ABI1: variants seen among roughly 807,000 people sequenced by gnomAD.
The protein encoded by ABI1 is abl interactor 1.
In ABI1, 14 loss-of-function variants were observed where a neutral mutation model predicts 54.6. The observed-to-expected ratio is 0.26, with a 90% CI of 0.17 to 0.40. The LOEUF is 0.40. Among genes scored for constraint, ABI1 ranks in the 10% least tolerant of loss-of-function variants. The pLI is 1.00. For missense variants in ABI1, 443 were observed against 598.3 expected (o/e 0.74, Z 2.71); for synonymous variants, 194 against 209.3 (o/e 0.93, Z 0.63).
intron 1 of ABI1, among the ~76,000 whole-genome samples, chr10:26,853,978 A>G (rs930744988): frequency 6.6e-6 from 1 of 152,176 alleles, no homozygotes; most frequent in Non-Finnish European, 1.5e-5. Context: ...TTTGACTGTT[A>G]ACTGTCTTAA....
rs1378773563 is a variant in ABI1, at chr10:26,751,641, T to C, written c.1227A>G (p.Ala409=). The C allele has an allele frequency of 6.2e-7, 1 of 1,613,404 alleles. No homozygotes were observed. Among genetic ancestry groups the C allele is most frequent in the Non-Finnish European group, 8.5e-7 (1 of 1,179,736 alleles). ...AAVVQYNDPY[A]DGDPAWAPKN... Reference sequence around the variant, plus strand: ...TGGGGGCCCAAGCAGGATCCCCATCTGCATATGGATCATTATACTGAACTA... The same window carrying C: ...TGGGGGCCCAAGCAGGATCCCCATCCGCATATGGATCATTATACTGAACTA... The change falls in exon 10 of 11, where the codon GCA becomes GCG. Residue 409 remains alanine, a synonymous_variant. Transcript: ENST00000376140.
intron 2 of ABI1, among the ~76,000 whole-genome samples, chr10:26,810,936 G>A (rs528144224): frequency 6.6e-6 from 1 of 152,002 alleles, no homozygotes; most frequent in South Asian, 2.1e-4. Flanking sequence ...AGGGGAAGAG[G>A]GAGAGAGGAG....
At chr10:26,768,361 C>A (rs190788069) in intron 6 of ABI1, among the ~76,000 whole-genome samples, 1 of 151,464 alleles carries the variant, frequency 6.6e-6, no homozygotes, top group Non-Finnish European at 1.5e-5. Context: ...GCCTGACCAA[C>A]ATGCAGAAAC....
chr10:26,763,581 C>T (rs533930579), intron 7 of ABI1, among the ~76,000 whole-genome samples: 39 of 151,960 alleles, frequency 2.6e-4, no homozygotes, highest in Admixed American at 1.4e-3. Flanking sequence ...TTAAGTTTCA[C>T]TTGTGCGGGG....
chr10:26,770,461 T>C (rs1432676266), intron 4 of ABI1, 116 bp from the exon 5 acceptor site: 2 of 1,064,652 alleles, frequency 1.9e-6, no homozygotes, highest in Admixed American at 3.4e-5. Flanking sequence ...CCCAGACAGT[T>C]TGAATAAAGA....
chr10:26,849,842 T>C (rs2050256168), intron 1 of ABI1, among the ~76,000 whole-genome samples: 1 of 152,224 alleles, frequency 6.6e-6, no homozygotes, highest in Non-Finnish European at 1.5e-5. Context: ...TAATGAAATG[T>C]GTCAACATTC....
At chr10:26,803,141 C>T (rs1302332367) in intron 2 of ABI1, among the ~76,000 whole-genome samples, 1 of 152,062 alleles carries the variant, frequency 6.6e-6, no homozygotes, top group Non-Finnish European at 1.5e-5. Context: ...ACAGACATTC[C>T]AGGCAAAGGG....
At chr10:26,828,016 A>G (rs575037841) in intron 1 of ABI1, among the ~76,000 whole-genome samples, 8 of 152,368 alleles carry the variant, frequency 5.3e-5, no homozygotes, top group Admixed American at 4.6e-4. Flanking sequence ...CGTTTGGCCT[A>G]TCTCAGCTTT....
In ABI1 at chr10:26,747,893, T is replaced by C. The variant is rs1837112268; in HGVS notation, c.*677A>G. The C allele has an allele frequency of 5.2e-6, 1 of 194,034 alleles. No individual in the cohort carries two copies. Among genetic ancestry groups the C allele is most frequent in the African/African-American group, 2.3e-5 (1 of 43,112 alleles). 12.0% of individuals were successfully genotyped at this position (194,034 alleles called of 1,614,324 possible). On this transcript the variant is annotated 3_prime_UTR_variant, in exon 11 of 11. Coordinates refer to ENST00000376140, the MANE Select transcript of ABI1 (RefSeq NM_001012750.3). ...CAAAAACCTTTGGTTCACTTATGTATTTATGAATGGAAAAAGTTTATAATG... is the reference window on the plus strand; with the variant it reads ...CAAAAACCTTTGGTTCACTTATGTACTTATGAATGGAAAAAGTTTATAATG...
rs1589111056 is a variant in ABI1, at chr10:26,858,546, A to G, written c.117+2201T>C. Reference sequence around the variant, plus strand: ...CGCCCCCACAAAAAAAGAAAAAAAAAAAAAAAAAAAAAAAAAACGGGGCCA... The same window carrying G: ...CGCCCCCACAAAAAAAGAAAAAAAAGAAAAAAAAAAAAAAAAACGGGGCCA... On this transcript the variant is annotated intron_variant, in intron 1 of 10. Transcript: ENST00000376140. Among the ~76,000 whole-genome samples the G allele has an allele frequency of 2.1e-5, 3 of 140,140 alleles. No individual in the cohort carries two copies. In the East Asian group the frequency reaches 9.1e-4, roughly 42 times the overall value. The allele number at this position is 140,140 out of a possible 152,430, so 91.9% of individuals were successfully genotyped here.
chr10:26,795,374 C>T (rs1167682218), intron 2 of ABI1, among the ~76,000 whole-genome samples: 1 of 152,028 alleles, frequency 6.6e-6, no homozygotes, highest in Non-Finnish European at 1.5e-5. Context: ...ATTTATTTAA[C>T]ACAGTACTAG....
chr10:26,786,319 T>C (rs1842731645), intron 2 of ABI1, among the ~76,000 whole-genome samples: 1 of 151,940 alleles, frequency 6.6e-6, no homozygotes, highest in East Asian at 1.9e-4. Flanking sequence ...GTTCAAGCGA[T>C]TCTCATGTCT....
At chr10:26,801,075 TGAA>T (rs915571525) in intron 2 of ABI1, among the ~76,000 whole-genome samples, 85 of 152,274 alleles carry the variant, frequency 5.6e-4, no homozygotes, top group African/African-American at 1.8e-3. Context: ...CTGAGGAAGA[TGAA>T]GGAGACATGA....
At chr10:26,859,981 A>T (rs2051160303) in intron 1 of ABI1, among the ~76,000 whole-genome samples, 2 of 151,818 alleles carry the variant, frequency 1.3e-5, no homozygotes, top group Non-Finnish European at 1.5e-5. Flanking sequence ...GGAAGTGAAA[A>T]CGATGAGAGG....
At chr10:26,770,401 T>A (rs1588817678) in intron 4 of ABI1, 56 bp from the exon 5 acceptor site, 1 of 1,414,538 alleles carries the variant, frequency 7.1e-7, no homozygotes, top group Non-Finnish European at 1.0e-6. Flanking sequence ...TCCTGGTGTT[T>A]TAACACCATG....
chr10:26,790,115 C>G (rs1588885695), intron 2 of ABI1, among the ~76,000 whole-genome samples: 5 of 152,142 alleles, frequency 3.3e-5, no homozygotes, highest in Admixed American at 3.3e-4. Context: ...GTCTTTATAA[C>G]AGAATAATTT....
intron 1 of ABI1, among the ~76,000 whole-genome samples, chr10:26,851,348 ATT>A (rs397724445): frequency 2.1e-4 from 14 of 67,810 alleles, no homozygotes; most frequent in African/African-American, 5.8e-4. Flanking sequence ...GACTAAGCTA[ATT>A]TTTTTTTTTT....
intron 8 of ABI1, among the ~76,000 whole-genome samples, chr10:26,757,308 T>G (rs1370728163): frequency 2.0e-5 from 3 of 152,158 alleles, no homozygotes; most frequent in Non-Finnish European, 4.4e-5. Flanking sequence ...CAAATTTGCT[T>G]TCCAATATTC....
At position 26,860,260 on chromosome 10, in the gene ABI1, C is replaced by G. The variant is rs2051192866; in HGVS notation, c.117+487G>C. 6.6e-6 allele frequency among the ~76,000 whole-genome samples: 1 copy of G among 152,164 alleles called. No homozygotes were observed. The highest frequency in any genetic ancestry group is 1.5e-5 in the Non-Finnish European group (1 of 68,032). ...CTCCGCCGACACACAACACACACCC[C>G]GCTGGTCCTCTCCCTTCTGCGGCTT... On this transcript the variant is annotated intron_variant, in intron 1 of 10. Transcript: ENST00000376140. This position sits in a 1 kb window ranked among gnomAD's most constrained non-coding sequence, Gnocchi z 4.1.
Sources: allele counts gnomAD v4.1 joint callset (sites outside exome capture counted in the v4.1 genomes callset), GRCh38; gene constraint gnomAD v4.1.1; non-coding constraint Gnocchi (gnomAD v3.1); transcripts MANE v1.5; gene names NCBI Gene and HGNC (gene_info 2026-07-23, HGNC 2026-07-21).